The following DMRT1 variants were observed in gnomAD, a reference collection of about 807,000 sequenced individuals.
The protein encoded by DMRT1 is doublesex and mab-3 related transcription factor 1.
In DMRT1, 7 loss-of-function variants were observed where a neutral mutation model predicts 32.3. That is an observed-to-expected ratio of 0.22 (90% CI 0.12 to 0.41). DMRT1 has a LOEUF of 0.41. Ranked by LOEUF, DMRT1 falls within the 10% of genes least tolerant of loss-of-function variation. DMRT1 has a pLI of 1.00. For missense variants in DMRT1, 625 were observed against 500.5 expected (o/e 1.25, Z -2.37); for synonymous variants, 278 against 206.1 (o/e 1.35, Z -2.99).
intron 3 of DMRT1, among the ~76,000 whole-genome samples, chr9:901,360 T>C (rs566337161): frequency 1.8e-4 from 27 of 152,006 alleles, no homozygotes; most frequent in African/African-American, 3.9e-4. Context: ...AGAGCCTCAC[T>C]CTGTTGCCCA....
intron 2 of DMRT1, among the ~76,000 whole-genome samples, chr9:887,233 G>A (rs1481759572): frequency 4.6e-5 from 7 of 152,108 alleles, no homozygotes; most frequent in Admixed American, 4.6e-4. Context: ...TTGTTTGGAG[G>A]GAATTCATAG....
At chr9:926,976 G>A (rs1438734585) in intron 4 of DMRT1, among the ~76,000 whole-genome samples, 3 of 152,214 alleles carry the variant, frequency 2.0e-5, no homozygotes, top group Non-Finnish European at 2.9e-5. Flanking sequence ...GAGAACTGAC[G>A]TCTGTCTGTT....
chr9:865,226 A>G (rs1815928959), intron 2 of DMRT1, among the ~76,000 whole-genome samples: 1 of 152,306 alleles, frequency 6.6e-6, no homozygotes, highest in Non-Finnish European at 1.5e-5. Flanking sequence ...TGTTATCTTG[A>G]TAACTTTATA....
chr9:875,680 A>G (rs2132618858), intron 2 of DMRT1, among the ~76,000 whole-genome samples: 1 of 152,276 alleles, frequency 6.6e-6, no homozygotes, highest in South Asian at 2.1e-4. Context: ...TTTAGCTAAC[A>G]AGCCCAGCAT....
intron 3 of DMRT1, among the ~76,000 whole-genome samples, chr9:903,550 A>G (rs972006726): frequency 2.0e-5 from 3 of 152,164 alleles, no homozygotes; most frequent in African/African-American, 4.8e-5. Context: ...GGTGCCTGCG[A>G]TGACAATTTT....
At chr9:895,950 AC>A (rs1178699639) in intron 3 of DMRT1, among the ~76,000 whole-genome samples, 2 of 151,464 alleles carry the variant, frequency 1.3e-5, no homozygotes, top group African/African-American at 4.9e-5. Flanking sequence ...GACTACAGGC[AC>A]GCGCCACCAA....
chr9:852,851 T>C (rs959597494), intron 2 of DMRT1, among the ~76,000 whole-genome samples: 6 of 152,220 alleles, frequency 3.9e-5, no homozygotes, highest in African/African-American at 1.4e-4. Flanking sequence ...GTGTCTAATA[T>C]TGAAGGGGCC....
intron 4 of DMRT1, among the ~76,000 whole-genome samples, chr9:966,758 T>G (rs1357415271): frequency 6.6e-6 from 1 of 152,242 alleles, no homozygotes; most frequent in Admixed American, 6.5e-5. Flanking sequence ...AAGGTCTCTT[T>G]TCAGCATGGT....
intron 2 of DMRT1, among the ~76,000 whole-genome samples, chr9:893,030 C>T (rs1048525068): frequency 6.6e-6 from 1 of 152,090 alleles, no homozygotes; most frequent in African/African-American, 2.4e-5. Context: ...TCTCTGTTTC[C>T]TCTGACTTCC....
At chr9:967,274 A>G (rs765724120) in intron 4 of DMRT1, among the ~76,000 whole-genome samples, 1 of 152,182 alleles carries the variant, frequency 6.6e-6, no homozygotes, top group Non-Finnish European at 1.5e-5. Flanking sequence ...TGCTTAACAC[A>G]TTATTACTTT....
intron 3 of DMRT1, among the ~76,000 whole-genome samples, chr9:905,480 G>GTGTC (rs1554754597): frequency 2.9e-5 from 1 of 34,398 alleles, no homozygotes; most frequent in Non-Finnish European, 1.3e-4. Context: ...GCCCCTGTGT[G>GTGTC]TGTGTGTCTG....
chr9:920,729 C>T (rs1431332501), intron 4 of DMRT1, among the ~76,000 whole-genome samples: 4 of 152,048 alleles, frequency 2.6e-5, no homozygotes, highest in African/African-American at 7.2e-5. Context: ...GAGGGCGATC[C>T]CAATAGAGGG....
intron 1 of DMRT1, among the ~76,000 whole-genome samples, chr9:844,747 G>A (rs1188825056): frequency 1.5e-5 from 2 of 135,760 alleles, no homozygotes; most frequent in Non-Finnish European, 3.1e-5. Flanking sequence ...TGAGACAGGA[G>A]TCTCGCTCTG....
At chr9:926,106 T>C (rs1818514969) in intron 4 of DMRT1, among the ~76,000 whole-genome samples, 1 of 152,242 alleles carries the variant, frequency 6.6e-6, no homozygotes, top group Admixed American at 6.5e-5. Context: ...TGTGGTTCTG[T>C]AGCACATTAC....
intron 2 of DMRT1, among the ~76,000 whole-genome samples, chr9:882,048 T>C (rs1290095594): frequency 6.6e-6 from 1 of 152,218 alleles, no homozygotes; most frequent in Non-Finnish European, 1.5e-5. Context: ...ACTCTCATTG[T>C]AGGATTAACA....
At chr9:931,710 CTCT>C (rs1157114135) in intron 4 of DMRT1, among the ~76,000 whole-genome samples, 5 of 152,136 alleles carry the variant, frequency 3.3e-5, no homozygotes, top group African/African-American at 7.2e-5. Context: ...GTTCTGGTCT[CTCT>C]TCTTCTTAAA....
chr9:926,822 T>C (rs1050230954), intron 4 of DMRT1, among the ~76,000 whole-genome samples: 1 of 152,240 alleles, frequency 6.6e-6, no homozygotes, highest in Non-Finnish European at 1.5e-5. Flanking sequence ...GCTGATGTTA[T>C]CTTCATGGGA....
intron 4 of DMRT1, among the ~76,000 whole-genome samples, chr9:919,113 A>T (rs1342074947): frequency 6.6e-6 from 1 of 152,142 alleles, no homozygotes; most frequent in Non-Finnish European, 1.5e-5. Context: ...TTGGCTCATA[A>T]CCAGTTACAT....
intron 4 of DMRT1, among the ~76,000 whole-genome samples, chr9:933,532 G>A (rs1271286258): frequency 6.6e-6 from 1 of 152,162 alleles, no homozygotes; most frequent in African/African-American, 2.4e-5. Flanking sequence ...TCTCCTGACC[G>A]GGTTTCTTCC....
Sources: allele counts gnomAD v4.1 joint callset (sites outside exome capture counted in the v4.1 genomes callset), GRCh38; gene constraint gnomAD v4.1.1; transcripts MANE v1.5; gene names NCBI Gene and HGNC (gene_info 2026-07-23, HGNC 2026-07-21).